PPP2R2A: variants seen among roughly 807,000 people sequenced by gnomAD.
The protein encoded by PPP2R2A is serine/threonine-protein phosphatase 2A 55 kDa regulatory subunit B alpha isoform.
In PPP2R2A, 9 loss-of-function variants were observed where a neutral mutation model predicts 53.2. That is an observed-to-expected ratio of 0.17 (90% confidence interval 0.10 to 0.30). The LOEUF is 0.30. Among genes scored for constraint, PPP2R2A ranks in the 10% least tolerant of loss-of-function variants. The pLI is 1.00. For synonymous variants in PPP2R2A, 169 were observed against 174.2 expected (o/e 0.97, Z 0.23); for missense variants, 235 against 534.6 (o/e 0.44, Z 5.53).
At position 26,363,883 on chromosome 8, in the gene PPP2R2A, C is replaced by T. The variant is rs1805239629; in HGVS notation, c.965C>T (p.Thr322Ile). 2 of 1,585,064 alleles carry T rather than the reference C, an allele frequency of 1.3e-6. No homozygotes were observed. Among genetic ancestry groups the T allele is most frequent in the Non-Finnish European group, 1.7e-6 (2 of 1,161,986 alleles). ...DLNMENRPVE[T>I]YQVHEYLRSK... Reference sequence around the variant, plus strand: ...AATATGGAAAACAGGCCTGTGGAAACATACCAGGTATTTGAGTTTTTTCTT... The same window carrying T: ...AATATGGAAAACAGGCCTGTGGAAATATACCAGGTATTTGAGTTTTTTCTT... Residue 322 changes from threonine to isoleucine, a missense_variant, in exon 8 of 10, where the codon ACA (threonine) becomes ATA (isoleucine). By Grantham distance (89) the Thr-to-Ile change is moderately conservative. Transcript: ENST00000380737.
At position 26,360,096 on chromosome 8, in the gene PPP2R2A, T is replaced by C. The variant is rs781509538; in HGVS notation, c.347-73T>C. ...GAATCCTTTTACGTGAAATGTGAAA[T>C]AGCATATTTTAAATGCCTTAAAATG... On this transcript the variant is annotated intron_variant, in intron 4 of 9. Coordinates refer to ENST00000380737, the MANE Select transcript of PPP2R2A (RefSeq NM_002717.4). This position sits in a 1 kb window ranked among gnomAD's most constrained non-coding sequence, Gnocchi z 4.5. 3.0e-5 allele frequency: 22 copies of C among 725,104 alleles called. No individual in the cohort carries two copies. Among genetic ancestry groups the C allele is most frequent in the Non-Finnish European group, 4.5e-5 (20 of 444,508 alleles). The allele number at this position is 725,104 out of a possible 1,614,324, so 44.9% of individuals were successfully genotyped here.
chr8:26,366,563 G>C (rs1293921332), intron 9 of PPP2R2A, among the ~76,000 whole-genome samples, 157 bp downstream of exon 9: 2 of 152,066 alleles, frequency 1.3e-5, no homozygotes, highest in African/African-American at 4.8e-5. Flanking sequence ...TTAAAGCATT[G>C]TATTTCACTA....
At chr8:26,364,503 G>C (rs1805268695) in intron 8 of PPP2R2A, among the ~76,000 whole-genome samples, 1 of 152,192 alleles carries the variant, frequency 6.6e-6, no homozygotes, top group Admixed American at 6.5e-5. Flanking sequence ...ACACAGCCTG[G>C]AACAGGGTGA....
At chr8:26,294,317 C>T (rs1260598127) in intron 2 of PPP2R2A, among the ~76,000 whole-genome samples, 2 of 152,138 alleles carry the variant, frequency 1.3e-5, no homozygotes, top group Non-Finnish European at 2.9e-5. Context: ...ATGCATATAT[C>T]GCTTGTCTTT....
At chr8:26,356,868 G>C (rs907147431) in intron 4 of PPP2R2A, among the ~76,000 whole-genome samples, 1 of 151,990 alleles carries the variant, frequency 6.6e-6, no homozygotes, top group Admixed American at 6.6e-5. Context: ...TTTGTGTCTC[G>C]GATCCTTCCC....
intron 2 of PPP2R2A, among the ~76,000 whole-genome samples, chr8:26,313,454 T>A (rs1802387682): frequency 6.6e-6 from 1 of 152,230 alleles, no homozygotes; most frequent in South Asian, 2.1e-4. Context: ...CCCAGCTTTC[T>A]TGGTGTTGTT....
At chr8:26,328,200 A>T (rs927341454) in intron 2 of PPP2R2A, among the ~76,000 whole-genome samples, 3 of 152,214 alleles carry the variant, frequency 2.0e-5, no homozygotes, top group African/African-American at 7.2e-5. Flanking sequence ...TCATAACCAT[A>T]TATGTCAAGG....
At position 26,360,115 on chromosome 8, in the gene PPP2R2A, T is replaced by C. The variant is rs77071224; in HGVS notation, c.347-54T>C. Reference sequence around the variant, plus strand: ...GTGAAATAGCATATTTTAAATGCCTTAAAATGTTTTTCTTCTTCAGTATTT... The same window carrying C: ...GTGAAATAGCATATTTTAAATGCCTCAAAATGTTTTTCTTCTTCAGTATTT... On this transcript the variant is annotated intron_variant, in intron 4 of 9. Transcript: ENST00000380737. This position sits in a 1 kb window ranked among gnomAD's most constrained non-coding sequence, Gnocchi z 4.5. The C allele has an allele frequency of 5.4e-4, 547 of 1,020,522 alleles. 4 individuals are homozygous for C. In the East Asian group the frequency reaches 0.012, roughly 23 times the overall value. The allele number at this position is 1,020,522 out of a possible 1,614,324, so 63.2% of individuals were successfully genotyped here.
rs1286835144 is a variant in PPP2R2A at position 26,370,168 on chromosome 8, A to G, written c.1099A>G (p.Arg367Gly). Residue 367 changes from arginine (R) to glycine (G), a missense_variant, in exon 10 of 10, where the codon AGA becomes GGA. Coordinates refer to ENST00000380737, the MANE Select transcript of PPP2R2A (RefSeq NM_002717.4). The surrounding 1 kb of genome is among the most constrained non-coding windows in gnomAD (Gnocchi z 6.1). ...VMTGSYNNFFRMFDRNTKRDI... is the reference protein window; with the variant it reads ...VMTGSYNNFFGMFDRNTKRDI... ...GACTGGATCTTACAATAATTTCTTC[A>G]GAATGTTTGACAGAAACACAAAGCG... 1 of 1,614,114 alleles carries G rather than the reference A, an allele frequency of 6.2e-7. No homozygotes were observed.
At position 26,356,784 on chromosome 8, in the gene PPP2R2A, G is replaced by T. The variant is rs192592114; in HGVS notation, c.346+2151G>T. ...AAAGAGAACTTTTTAAATGTAGGCT[G>T]AGTTCAAGAGAATAGTATAGTGAAG... On this transcript the variant is annotated intron_variant, in intron 4 of 9. Transcript: ENST00000380737. 4.6e-5 allele frequency among the ~76,000 whole-genome samples: 7 copies of T among 152,264 alleles called. No individual in the cohort carries two copies. In the East Asian group the frequency reaches 1.4e-3, roughly 29 times the overall value.
At chr8:26,337,305 T>TA (rs1017146208) in intron 2 of PPP2R2A, among the ~76,000 whole-genome samples, 3 of 152,214 alleles carry the variant, frequency 2.0e-5, no homozygotes, top group African/African-American at 4.8e-5. Context: ...GAGCTGGACT[T>TA]ACGAGAAAGA....
At chr8:26,306,314 A>G (rs966325968) in intron 2 of PPP2R2A, among the ~76,000 whole-genome samples, 1 of 151,910 alleles carries the variant, frequency 6.6e-6, no homozygotes, top group African/African-American at 2.4e-5. Flanking sequence ...CGTCTCTACT[A>G]AAAGTACAAA....
chr8:26,357,062 T>G (rs1002446686), intron 4 of PPP2R2A, among the ~76,000 whole-genome samples: 1 of 151,992 alleles, frequency 6.6e-6, no homozygotes, highest in African/African-American at 2.4e-5. Context: ...AATAATAGAG[T>G]CCAATGTGGA....
At chr8:26,358,726 A>G (rs901637451) in intron 4 of PPP2R2A, among the ~76,000 whole-genome samples, 7 of 152,204 alleles carry the variant, frequency 4.6e-5, no homozygotes, top group African/African-American at 7.2e-5. Flanking sequence ...ATGCTTTTCT[A>G]TAAGAAAAAC....
rs74833668 is a variant in PPP2R2A at position 26,311,677 on chromosome 8, C to T, written c.82+17937C>T. On this transcript the variant is annotated intron_variant, in intron 2 of 9. Coordinates refer to ENST00000380737, the MANE Select transcript of PPP2R2A (RefSeq NM_002717.4). ...TCTGGGCAACGTAGCATGACCCTGT[C>T]TCTGAAACAATGAACGAAAAATAAT... 6.6e-5 allele frequency among the ~76,000 whole-genome samples: 10 copies of T among 152,272 alleles called. No homozygotes were observed. The East Asian group carries it at 1.9e-3, about 29-fold the overall frequency.
At chr8:26,368,644 T>C (rs920306043) in intron 9 of PPP2R2A, among the ~76,000 whole-genome samples, 13 of 151,756 alleles carry the variant, frequency 8.6e-5, no homozygotes, top group Non-Finnish European at 1.2e-4. Context: ...CTACAAAATA[T>C]TTAAAAATTA....
rs767765777 is a variant in PPP2R2A, at chr8:26,338,984, G to A, written c.177G>A (p.Gln59=). 7 of 1,594,030 alleles carry A rather than the reference G, an allele frequency of 4.4e-6. No homozygotes were observed. In the East Asian group the frequency reaches 1.6e-4, roughly 36 times the overall value. ...GGRVVIFQQE[Q]ENKIQSHSRG... ...GAGTTGTCATCTTTCAACAGGAGCA[G>A]GAGGTAAGTGTTTAAAGTTTATTGT... The change falls in exon 3 of 10, where the codon CAG becomes CAA. Residue 59 remains glutamine (Q), a synonymous_variant. Coordinates refer to ENST00000380737, the MANE Select transcript of PPP2R2A (RefSeq NM_002717.4). The surrounding 1 kb of genome is among the most constrained non-coding windows in gnomAD (Gnocchi z 4.5).
In PPP2R2A at chr8:26,338,551, G is replaced by A. The variant is rs912798242; in HGVS notation, c.83-339G>A. ...AAACAAGCTTATCAAATGTATATAA[G>A]AAAATTAGCAAGATAATGTTTAAGG... On this transcript the variant is annotated intron_variant, in intron 2 of 9. Transcript: ENST00000380737. This position sits in a 1 kb window ranked among gnomAD's most constrained non-coding sequence, Gnocchi z 4.5. Among the ~76,000 whole-genome samples the A allele has an allele frequency of 3.9e-5, 6 of 152,186 alleles. No individual in the cohort carries two copies. The highest frequency in any genetic ancestry group is 1.4e-4 in the African/African-American group (6 of 41,432).
chr8:26,355,856 C>T (rs1172846110), intron 4 of PPP2R2A, among the ~76,000 whole-genome samples: 2 of 126,172 alleles, frequency 1.6e-5, no homozygotes, highest in Non-Finnish European at 3.3e-5. Context: ...GGCAACAGAG[C>T]GAGACTCGTC....
Sources: gnomAD v4.1 joint callset for allele counts (sites outside exome capture counted in the v4.1 genomes callset) on GRCh38, gnomAD v4.1.1 for gene constraint, Gnocchi (gnomAD v3.1) non-coding constraint, MANE v1.5 for transcripts, NCBI Gene and HGNC (gene_info 2026-07-23, HGNC 2026-07-21) for gene names.